The following KIAA1549L variants were observed in gnomAD, a reference collection of about 807,000 sequenced individuals.
KIAA1549L encodes the protein KIAA1549 like, also known as UPF0606 protein KIAA1549L.
In KIAA1549L, 88 loss-of-function variants were observed where a neutral mutation model predicts 160.7. The observed-to-expected ratio is 0.55, with a 90% CI of 0.46 to 0.65. The LOEUF (loss-of-function observed/expected upper bound fraction) is 0.65, where lower values mean the gene tolerates loss of function less well. Ranked by LOEUF, KIAA1549L falls within the 30% of genes least tolerant of loss-of-function variation. The pLI is 0.00. For missense variants in KIAA1549L, 2,258 were observed against 2,437.5 expected (o/e 0.93, Z 1.55); for synonymous variants, 950 against 976.7 (o/e 0.97, Z 0.51).
At chr11:33,631,422 G>A (rs1851285106) in intron 16 of KIAA1549L, among the ~76,000 whole-genome samples, 1 of 152,174 alleles carries the variant, frequency 6.6e-6, no homozygotes, top group African/African-American at 2.4e-5. Flanking sequence ...CCAGGCCCAG[G>A]CTGCTCAGCC....
intron 1 of KIAA1549L, among the ~76,000 whole-genome samples, chr11:33,507,487 T>A (rs1435695557): frequency 6.6e-6 from 1 of 152,162 alleles, no homozygotes; most frequent in Non-Finnish European, 1.5e-5. Context: ...AAGAGCAAAG[T>A]CATGTTGATG....
At chr11:33,387,942 A>C (rs1196523500) in intron 1 of KIAA1549L, among the ~76,000 whole-genome samples, 1 of 152,172 alleles carries the variant, frequency 6.6e-6, no homozygotes, top group Non-Finnish European at 1.5e-5. Flanking sequence ...GTTTTCCCAC[A>C]GTTTGCTGTC....
intron 1 of KIAA1549L, among the ~76,000 whole-genome samples, chr11:33,524,916 A>G (rs1326754787): frequency 6.6e-6 from 1 of 152,258 alleles, no homozygotes; most frequent in Non-Finnish European, 1.5e-5. Flanking sequence ...TATTAATGCC[A>G]CTAAAGCCAG....
At chr11:33,385,166 A>C (rs542530877) in intron 1 of KIAA1549L, among the ~76,000 whole-genome samples, 1 of 152,206 alleles carries the variant, frequency 6.6e-6, no homozygotes, top group East Asian at 1.9e-4. Context: ...AATCAAGGTT[A>C]ATTTTTTTAT....
chr11:33,573,296 C>T (rs1429878212), intron 9 of KIAA1549L, among the ~76,000 whole-genome samples: 2 of 152,080 alleles, frequency 1.3e-5, no homozygotes, highest in East Asian at 3.8e-4. Flanking sequence ...TCCCTTCTTC[C>T]CTCTTCAGAG....
chr11:33,463,165 A>AAAT, intron 1 of KIAA1549L, among the ~76,000 whole-genome samples: 1 of 152,114 alleles, frequency 6.6e-6, no homozygotes, highest in East Asian at 1.9e-4. Context: ...CTACTTATGT[A>AAAT]AATATGATAT....
At chr11:33,464,474 ATGTGTG>A (rs3038997) in intron 1 of KIAA1549L, among the ~76,000 whole-genome samples, 1,610 of 140,168 alleles carry the variant, frequency 0.011, 21 homozygotes, top group African/African-American at 0.027. Context: ...CTGTGTGTGC[ATGTGTG>A]TGTGTGTGTG....
chr11:33,518,797 C>T (rs570288412), intron 1 of KIAA1549L, among the ~76,000 whole-genome samples: 1 of 152,274 alleles, frequency 6.6e-6, no homozygotes, highest in South Asian at 2.1e-4. Flanking sequence ...ATTTAAATTA[C>T]AGGTTGAGTA....
intron 1 of KIAA1549L, among the ~76,000 whole-genome samples, chr11:33,515,018 A>G (rs1176758756): frequency 2.0e-5 from 3 of 152,210 alleles, no homozygotes; most frequent in African/African-American, 7.2e-5. Flanking sequence ...ATAAGAGGCC[A>G]CCATTCTCAT....
intron 5 of KIAA1549L, among the ~76,000 whole-genome samples, 171 bp downstream of exon 5, chr11:33,551,430 C>T (rs943626357): frequency 6.6e-6 from 1 of 152,180 alleles, no homozygotes; most frequent in Non-Finnish European, 1.5e-5. Context: ...GCACATCAGC[C>T]TAAACTCTTC....
At chr11:33,601,056 T>A (rs1850348141) in intron 13 of KIAA1549L, among the ~76,000 whole-genome samples, 1 of 152,152 alleles carries the variant, frequency 6.6e-6, no homozygotes, top group Non-Finnish European at 1.5e-5. Context: ...CTTTGACTAT[T>A]TAAATATAAG....
At chr11:33,512,025 T>A (rs1390086040) in intron 1 of KIAA1549L, among the ~76,000 whole-genome samples, 2 of 152,252 alleles carry the variant, frequency 1.3e-5, no homozygotes, top group African/African-American at 4.8e-5. Flanking sequence ...GGTCTTTTTC[T>A]ACAAGCTAGT....
At chr11:33,460,295 G>T (rs528378929) in intron 1 of KIAA1549L, among the ~76,000 whole-genome samples, 2 of 152,130 alleles carry the variant, frequency 1.3e-5, no homozygotes, top group Non-Finnish European at 2.9e-5. Flanking sequence ...TGAGATTGAG[G>T]TGTGGTGGGG....
chr11:33,502,491 A>T (rs1852975464), intron 1 of KIAA1549L, among the ~76,000 whole-genome samples: 1 of 152,082 alleles, frequency 6.6e-6, no homozygotes, highest in Non-Finnish European at 1.5e-5. Flanking sequence ...TCAGTTTCTC[A>T]AGTTGAGTTG....
chr11:33,380,755 A>G (rs1850058178), intron 1 of KIAA1549L, among the ~76,000 whole-genome samples: 1 of 152,050 alleles, frequency 6.6e-6, no homozygotes, highest in Non-Finnish European at 1.5e-5. Flanking sequence ...TATTTAGAAT[A>G]CTTAGCTCTT....
At chr11:33,567,388 G>A (rs1050225355) in intron 8 of KIAA1549L, among the ~76,000 whole-genome samples, 1 of 152,174 alleles carries the variant, frequency 6.6e-6, no homozygotes, top group Non-Finnish European at 1.5e-5. Flanking sequence ...TGGCTTGCCT[G>A]AGGTCCCTGA....
chr11:33,627,425 C>G (rs549473283), intron 16 of KIAA1549L, among the ~76,000 whole-genome samples: 1 of 152,042 alleles, frequency 6.6e-6, no homozygotes, highest in Non-Finnish European at 1.5e-5. Context: ...ATTATTGCCT[C>G]AATTCCAGCT....
intron 1 of KIAA1549L, among the ~76,000 whole-genome samples, chr11:33,444,493 G>T (rs1267239201): frequency 6.6e-6 from 1 of 152,150 alleles, no homozygotes; most frequent in South Asian, 2.1e-4. Context: ...TGGTGTCAGC[G>T]ATTGCTTCTG....
intron 1 of KIAA1549L, among the ~76,000 whole-genome samples, chr11:33,482,220 T>C (rs558774130): frequency 6.6e-6 from 1 of 152,348 alleles, no homozygotes; most frequent in South Asian, 2.1e-4. Flanking sequence ...CAAGTCATTC[T>C]CTGGTTAATT....
Sources: gnomAD v4.1 joint callset for allele counts (sites outside exome capture counted in the v4.1 genomes callset) on GRCh38, gnomAD v4.1.1 for gene constraint, MANE v1.5 for transcripts, NCBI Gene and HGNC (gene_info 2026-07-23, HGNC 2026-07-21) for gene names.